Variants in APBA2 observed in about 807,000 individuals in gnomAD.
The protein encoded by APBA2 is amyloid beta precursor protein binding family A member 2.
In APBA2, 30 loss-of-function variants were observed where a neutral mutation model predicts 75.0. The ratio of observed to expected loss-of-function variants is 0.40; its 90% CI spans 0.30 to 0.54. The LOEUF (loss-of-function observed/expected upper bound fraction) is 0.54, where lower values mean the gene tolerates loss of function less well. Among genes scored for constraint, APBA2 ranks in the 20% least tolerant of loss-of-function variants. The pLI is 0.49. For missense variants in APBA2, 801 were observed against 1,016.1 expected, an observed-to-expected ratio of 0.79 and a Z score of 2.88; for synonymous variants, 444 against 409.6, an observed-to-expected ratio of 1.08 and a Z score of -1.01.
intron 4 of APBA2, among the ~76,000 whole-genome samples, chr15:29,062,932 G>T (rs1411710521): frequency 1.3e-5 from 2 of 150,368 alleles, no homozygotes; most frequent in African/African-American, 4.9e-5. Context: ...GTCAGTGTCT[G>T]TATGGGTGGG....
chr15:29,052,284 T>C (rs2041631594), intron 3 of APBA2, among the ~76,000 whole-genome samples: 1 of 151,662 alleles, frequency 6.6e-6, no homozygotes, highest in Admixed American at 6.6e-5. Context: ...TGAAACCCCG[T>C]CTCTACTAAA....
chr15:29,024,944 A>C (rs2040140969), intron 3 of APBA2, among the ~76,000 whole-genome samples: 4 of 152,136 alleles, frequency 2.6e-5, no homozygotes, highest in Admixed American at 2.0e-4. Flanking sequence ...TCCACTGTCG[A>C]GTATCAATGG....
At chr15:29,112,198 G>A (rs2044771187) in intron 13 of APBA2, among the ~76,000 whole-genome samples, 1 of 152,200 alleles carries the variant, frequency 6.6e-6, no homozygotes, top group South Asian at 2.1e-4. Flanking sequence ...AGGGACTGGG[G>A]TTCCCCTCAG....
At chr15:29,069,478 T>C (rs548649144) in intron 4 of APBA2, among the ~76,000 whole-genome samples, 4 of 152,334 alleles carry the variant, frequency 2.6e-5, no homozygotes, top group Admixed American at 6.5e-5. Context: ...TCACCAGCAA[T>C]GCATGAGGGT....
Position 29,089,318 on chromosome 15 carries a change from G to A in APBA2, c.1070-3757G>A, listed in dbSNP as rs185333179. On this transcript the variant is annotated intron_variant, in intron 6 of 14. Transcript: ENST00000683413. ...TGGGACCCTGAGATTGCTTCATGGC[G>A]TGGTTGAGGACTGGGTGGAACTGTA... Among the ~76,000 whole-genome samples the A allele has an allele frequency of 1.6e-4, 24 of 152,332 alleles. No homozygotes were observed. The East Asian group carries it at 3.5e-3, about 22-fold the overall frequency.
chr15:29,029,266 C>G (rs1055673363), intron 3 of APBA2, among the ~76,000 whole-genome samples: 1 of 152,008 alleles, frequency 6.6e-6, no homozygotes, highest in African/African-American at 2.4e-5. Flanking sequence ...AACAGGGAAT[C>G]CTTTCCCCAT....
intron 2 of APBA2, among the ~76,000 whole-genome samples, chr15:28,984,763 C>G (rs180759485): frequency 6.6e-5 from 10 of 150,944 alleles, no homozygotes; most frequent in Non-Finnish European, 1.0e-4. Context: ...TCTCCCCCCC[C>G]ACCCCACTGC....
chr15:29,094,651 G>A (rs2043759359), intron 8 of APBA2, among the ~76,000 whole-genome samples: 1 of 152,228 alleles, frequency 6.6e-6, no homozygotes, highest in Non-Finnish European at 1.5e-5. Context: ...TAGGGTCTGG[G>A]CCTCCTGTGC....
At chr15:29,078,437 C>A (rs2042942741) in intron 6 of APBA2, among the ~76,000 whole-genome samples, 1 of 151,772 alleles carries the variant, frequency 6.6e-6, no homozygotes. Flanking sequence ...ATGGTGAAAC[C>A]CTGTCTCTAC....
At chr15:28,889,225 A>C (rs1023935451) in intron 1 of APBA2, among the ~76,000 whole-genome samples, 1 of 152,084 alleles carries the variant, frequency 6.6e-6, no homozygotes, top group Non-Finnish European at 1.5e-5. Flanking sequence ...CCCTGAAGCC[A>C]ATCTTCCCCT....
At chr15:29,026,563 T>C (rs112618078) in intron 3 of APBA2, among the ~76,000 whole-genome samples, 4 of 152,324 alleles carry the variant, frequency 2.6e-5, no homozygotes, top group African/African-American at 9.6e-5. Context: ...GTTATTCTTC[T>C]GTAAAGAAGA....
chr15:28,899,052 G>A (rs1444856093), intron 1 of APBA2, among the ~76,000 whole-genome samples: 3 of 152,246 alleles, frequency 2.0e-5, no homozygotes, highest in African/African-American at 7.2e-5. Context: ...AGTATCAAAC[G>A]TTATGTGGTT....
rs754560211 is a variant in APBA2 at position 29,106,742 on chromosome 15, A to G, written c.1840A>G (p.Ile614Val). ...GPAARSGKLSIGDQIMSINGT... is the reference protein window; with the variant it reads ...GPAARSGKLSVGDQIMSINGT... ...GGCTGCCCGCTCGGGGAAGCTGAGC[A>G]TCGGGGACCAGATCATGTCCATCAA... The change falls in exon 12 of 15, where the codon ATC becomes GTC. Residue 614 changes from isoleucine to valine, a missense_variant. Physicochemically the swap from Ile to Val is conservative, Grantham distance 29. Coordinates refer to ENST00000683413, the MANE Select transcript of APBA2 (RefSeq NM_001353788.2). The G allele has an allele frequency of 3.1e-6, 5 of 1,612,954 alleles. No individual in the cohort carries two copies. The highest frequency in any genetic ancestry group is 4.5e-5 in the East Asian group (2 of 44,870).
chr15:28,964,927 A>G (rs61339780), intron 2 of APBA2, among the ~76,000 whole-genome samples: 42,655 of 151,368 alleles, frequency 0.28, 9,374 homozygotes, highest in East Asian at 0.78. Context: ...TTTTTCTGTT[A>G]TCTTAACTTG....
chr15:28,956,921 C>T (rs2036200860), intron 2 of APBA2, among the ~76,000 whole-genome samples: 2 of 152,160 alleles, frequency 1.3e-5, no homozygotes, highest in Admixed American at 1.3e-4. Flanking sequence ...CTGTTAAGGT[C>T]GAGGAATACT....
At chr15:28,990,230 C>T (rs552355179) in intron 2 of APBA2, among the ~76,000 whole-genome samples, 17 of 151,960 alleles carry the variant, frequency 1.1e-4, no homozygotes, top group African/African-American at 3.1e-4. Flanking sequence ...GCCAACGTGG[C>T]GAAACTGCGT....
intron 2 of APBA2, chr15:28,961,407 C>T (rs1266125579): frequency 6.6e-6 from 1 of 151,676 alleles, no homozygotes; most frequent in Admixed American, 6.6e-5. Context: ...CGTCGTGTGC[C>T]TGAGCCACTG....
At chr15:28,888,432 G>A (rs1253025293) in intron 1 of APBA2, among the ~76,000 whole-genome samples, 1 of 152,220 alleles carries the variant, frequency 6.6e-6, no homozygotes, top group Non-Finnish European at 1.5e-5. Context: ...GAGGGCTGTT[G>A]GAGTGGGGAG....
At chr15:29,005,835 AC>A (rs2039085374) in intron 3 of APBA2, among the ~76,000 whole-genome samples, 2 of 151,938 alleles carry the variant, frequency 1.3e-5, no homozygotes, top group South Asian at 4.2e-4. Context: ...CTGCACTCCA[AC>A]CTGGGCAACA....
Sources: gnomAD v4.1 joint callset for allele counts (sites outside exome capture counted in the v4.1 genomes callset) on GRCh38, gnomAD v4.1.1 for gene constraint, MANE v1.5 for transcripts, NCBI Gene and HGNC (gene_info 2026-07-23, HGNC 2026-07-21) for gene names.